DGKG: variants seen among roughly 807,000 people sequenced by gnomAD.
DGKG encodes the protein diacylglycerol kinase gamma, also known as DAG kinase gamma.
In DGKG, 78 loss-of-function variants were observed where a neutral mutation model predicts 105.3. The observed-to-expected ratio is 0.74, with a 90% CI of 0.62 to 0.89. DGKG has a LOEUF of 0.89. DGKG is among the 40% of genes least tolerant of loss of function. DGKG has a pLI of 0.00. For synonymous variants in DGKG, 346 were observed against 367.1 expected (o/e 0.94, Z 0.66); for missense variants, 958 against 1,020.1 (o/e 0.94, Z 0.83).
Position 186,231,374 on chromosome 3 carries a change from C to G in DGKG, c.1826+11130G>C, listed in dbSNP as rs1417325474. 2.0e-5 allele frequency among the ~76,000 whole-genome samples: 3 copies of G among 152,156 alleles called. No individual in the cohort carries two copies. The highest frequency in any genetic ancestry group is 4.4e-5 in the Non-Finnish European group (3 of 68,032). ...GGCCTAGGTGTGAATCGTAGCTTCT[C>G]TAGTAACTAGTGTGGTCTTGAGCAA... On this transcript the variant is annotated intron_variant, in intron 20 of 24. Transcript: ENST00000265022. This position sits in a 1 kb window ranked among gnomAD's most constrained non-coding sequence, Gnocchi z 4.5.
chr3:186,279,848 T>TAA lies in DGKG; in HGVS notation c.792+2_792+3insTT, dbSNP rs763983704. 1 of 1,613,382 alleles carries TAA rather than the reference T, an allele frequency of 6.2e-7. No homozygotes were observed. The highest frequency in any genetic ancestry group is 1.1e-5 in the South Asian group (1 of 90,966). On this transcript the variant is annotated splice_region_variant and intron_variant, in intron 9 of 24. Coordinates refer to ENST00000265022, the MANE Select transcript of DGKG (RefSeq NM_001346.3). ...ATCTCTGAACTCCAGCTTGTTGACT[T>TAA]ACAGAGTCATCCATCCCCAGGAGGA... is the stretch of plus-strand genomic sequence containing the variant.
chr3:186,201,513 G>T (rs1270781289), intron 21 of DGKG, among the ~76,000 whole-genome samples: 1 of 152,164 alleles, frequency 6.6e-6, no homozygotes, highest in East Asian at 1.9e-4. Flanking sequence ...TCCTGTCCTG[G>T]TTCACAGTTG....
At position 186,253,157 on chromosome 3, in the gene DGKG, T is replaced by C. The variant is rs745438753; in HGVS notation, c.1536A>G (p.Pro512=). 1 of 1,614,046 alleles carries C rather than the reference T, an allele frequency of 6.2e-7. No individual in the cohort carries two copies. The highest frequency in any genetic ancestry group is 1.3e-5 in the African/African-American group (1 of 74,928). Residue 512 remains proline (P), a synonymous_variant, in exon 18 of 25, where the codon CCA becomes CCG. Transcript: ENST00000265022. The part of the protein sequence containing the change: ...CIDKANFAKH[P]PVAVLPLGTG... ...TTCCAAGAGGCAGGACAGCCACTGGTGGATGCTTTGCAAAGTTGGCCTTAT... is the reference window on the plus strand; with the variant it reads ...TTCCAAGAGGCAGGACAGCCACTGGCGGATGCTTTGCAAAGTTGGCCTTAT...
intron 13 of DGKG, among the ~76,000 whole-genome samples, chr3:186,267,040 C>T (rs1722086494): frequency 6.6e-6 from 1 of 152,186 alleles, no homozygotes; most frequent in South Asian, 2.1e-4. Flanking sequence ...GAGTCTTCAA[C>T]ACAGGCGACA....
At chr3:186,220,259 G>T (rs1222008051) in intron 20 of DGKG, among the ~76,000 whole-genome samples, 1 of 152,124 alleles carries the variant, frequency 6.6e-6, no homozygotes, top group East Asian at 1.9e-4. Context: ...GGAGGCAGTG[G>T]GAGAATGAAT....
intron 6 of DGKG, among the ~76,000 whole-genome samples, chr3:186,287,035 A>AAAATAAATAAAT (rs56077495): frequency 0.31 from 43,752 of 142,212 alleles, 7,847 homozygotes; most frequent in South Asian, 0.4. Flanking sequence ...ACTCCATCTC[A>AAAATAAATAAAT]AAATAAATAA....
At chr3:186,198,179 G>A (rs575142501) in intron 21 of DGKG, among the ~76,000 whole-genome samples, 15 of 152,278 alleles carry the variant, frequency 9.9e-5, no homozygotes, top group Admixed American at 8.5e-4. Flanking sequence ...AACGTGATAA[G>A]GTTTCTTTGC....
chr3:186,171,527 T>C (rs958753000), intron 22 of DGKG, among the ~76,000 whole-genome samples: 1 of 152,192 alleles, frequency 6.6e-6, no homozygotes, highest in African/African-American at 2.4e-5. Flanking sequence ...CTAGCTTACT[T>C]ATAATACCTA....
At position 186,229,537 on chromosome 3, in the gene DGKG, G is replaced by A. The variant is rs562621186; in HGVS notation, c.1826+12967C>T. 1.4e-4 allele frequency among the ~76,000 whole-genome samples: 21 copies of A among 152,258 alleles called. No homozygotes were observed. In the South Asian group the frequency reaches 3.5e-3, roughly 26 times the overall value. ...TGGGATTACAGGCATGAGCCACTGC[G>A]CCAGGCCAGACATGCAGCTTTTAGA... On this transcript the variant is annotated intron_variant, in intron 20 of 24. Coordinates refer to ENST00000265022, the MANE Select transcript of DGKG (RefSeq NM_001346.3).
chr3:186,201,953 A>T (rs1415269138), intron 21 of DGKG, among the ~76,000 whole-genome samples: 1 of 152,240 alleles, frequency 6.6e-6, no homozygotes, highest in Non-Finnish European at 1.5e-5. Flanking sequence ...TTCTAAAAGC[A>T]GGAAGGTAAT....
chr3:186,194,747 C>G (rs567520986), intron 21 of DGKG, among the ~76,000 whole-genome samples: 25 of 145,098 alleles, frequency 1.7e-4, no homozygotes, highest in African/African-American at 5.3e-4. Flanking sequence ...TCTTGGGTAC[C>G]CTGTCACTGA....
chr3:186,166,599 G>C (rs1716557856), intron 22 of DGKG, among the ~76,000 whole-genome samples: 1 of 151,210 alleles, frequency 6.6e-6, no homozygotes, highest in African/African-American at 2.4e-5. Context: ...CATTCCAATA[G>C]TGTCTGTGAA....
chr3:186,288,955 C>A, intron 5 of DGKG, 75 bp from the exon 6 acceptor site: 1 of 1,417,396 alleles, frequency 7.1e-7, no homozygotes, highest in Non-Finnish European at 9.5e-7. Flanking sequence ...GTTACCCCAT[C>A]CTTTTCATGG....
chr3:186,326,242 A>C (rs1725335312), intron 1 of DGKG, among the ~76,000 whole-genome samples: 1 of 152,040 alleles, frequency 6.6e-6, no homozygotes, highest in East Asian at 1.9e-4. Flanking sequence ...AAATACAAAA[A>C]TTAGCTGGGT....
At chr3:186,293,943 A>G (rs1201819256) in intron 5 of DGKG, among the ~76,000 whole-genome samples, 3 of 152,152 alleles carry the variant, frequency 2.0e-5, no homozygotes, top group Non-Finnish European at 4.4e-5. Context: ...TTTTTCCCTT[A>G]AATCTCAAGT....
chr3:186,248,196 G>C (rs1721037589), intron 19 of DGKG, among the ~76,000 whole-genome samples: 1 of 152,244 alleles, frequency 6.6e-6, no homozygotes. Context: ...ACAGGGCACT[G>C]TGTTGAGACA....
At chr3:186,263,127 G>A (rs545338601) in intron 14 of DGKG, among the ~76,000 whole-genome samples, 10 of 108,626 alleles carry the variant, frequency 9.2e-5, no homozygotes, top group Non-Finnish European at 2.2e-4. Flanking sequence ...ACTCCGTCTC[G>A]GAAAAGAAAA....
chr3:186,234,675 G>A (rs572078553), intron 20 of DGKG, among the ~76,000 whole-genome samples: 1 of 152,180 alleles, frequency 6.6e-6, no homozygotes, highest in Admixed American at 6.5e-5. Context: ...AGAAAGAAAC[G>A]GTTCTGGCCA....
At chr3:186,178,128 T>A (rs1185765855) in intron 22 of DGKG, among the ~76,000 whole-genome samples, 1 of 152,214 alleles carries the variant, frequency 6.6e-6, no homozygotes, top group African/African-American at 2.4e-5. Context: ...GCTTGTGGCT[T>A]GATCTTGGAC....
Sources: allele counts gnomAD v4.1 joint callset (sites outside exome capture counted in the v4.1 genomes callset), GRCh38; gene constraint gnomAD v4.1.1; non-coding constraint Gnocchi (gnomAD v3.1); transcripts MANE v1.5; gene names NCBI Gene and HGNC (gene_info 2026-07-23, HGNC 2026-07-21).